FSTL4: variants seen among roughly 807,000 people sequenced by gnomAD.
FSTL4 encodes follistatin like 4, also known as follistatin-related protein 4.
In FSTL4, 28 loss-of-function variants were observed where a neutral mutation model predicts 78.2. The ratio of observed to expected loss-of-function variants is 0.36; its 90% CI spans 0.27 to 0.49. The LOEUF is 0.49. FSTL4 is among the 20% of genes least tolerant of loss of function. The pLI is 0.98. For missense variants in FSTL4, 922 were observed against 1,084.9 expected, an observed-to-expected ratio of 0.85 and a Z score of 2.11; for synonymous variants, 422 against 440.5, an observed-to-expected ratio of 0.96 and a Z score of 0.53.
intron 1 of FSTL4, among the ~76,000 whole-genome samples, chr5:133,610,000 C>CA (rs1332201245): frequency 2.4e-4 from 37 of 152,340 alleles, no homozygotes; most frequent in African/African-American, 7.0e-4. Flanking sequence ...GAGAAACACT[C>CA]AAACAAGGCA....
intron 4 of FSTL4, among the ~76,000 whole-genome samples, chr5:133,341,402 G>A (rs1328696689): frequency 1.3e-5 from 2 of 152,070 alleles, no homozygotes; most frequent in Admixed American, 1.3e-4. Context: ...CGTGAGTTGG[G>A]CTCAGCGGCT....
intron 3 of FSTL4, among the ~76,000 whole-genome samples, chr5:133,561,509 G>A (rs1169399029): frequency 6.6e-6 from 1 of 152,154 alleles, no homozygotes; most frequent in Non-Finnish European, 1.5e-5. Context: ...CTGAGACGGT[G>A]AGCAGGCAGG....
chr5:133,706,344 G>C, the FSTL4 span, among the ~76,000 whole-genome samples: 1 of 152,136 alleles, frequency 6.6e-6, no homozygotes, highest in African/African-American at 2.4e-5. Flanking sequence ...GATCAATACT[G>C]GAAAATTGAT....
At chr5:133,389,526 T>C (rs986666428) in intron 4 of FSTL4, among the ~76,000 whole-genome samples, 1 of 152,202 alleles carries the variant, frequency 6.6e-6, no homozygotes, top group Non-Finnish European at 1.5e-5. Context: ...CCCCTGCCCC[T>C]ACCCTGGTGT....
At chr5:133,806,678 C>T in the FSTL4 span, among the ~76,000 whole-genome samples, 24 of 152,306 alleles carry the variant, frequency 1.6e-4, no homozygotes, top group East Asian at 1.9e-3. Context: ...CAGAGCTGAG[C>T]GGATGGAGGA....
At chr5:133,728,337 A>C in the FSTL4 span, among the ~76,000 whole-genome samples, 2 of 152,212 alleles carry the variant, frequency 1.3e-5, no homozygotes, top group Non-Finnish European at 2.9e-5. Context: ...CAGAGCTGCC[A>C]TGTATCCCAG....
the FSTL4 span, among the ~76,000 whole-genome samples, chr5:133,705,146 T>A: frequency 6.6e-6 from 1 of 152,142 alleles, no homozygotes. Context: ...CTACAACCTC[T>A]GCCTCCCAGG....
chr5:133,481,778 A>C lies in FSTL4; in HGVS notation c.161-80792T>G, dbSNP rs73283638. 4.5e-3 allele frequency among the ~76,000 whole-genome samples: 679 copies of C among 152,300 alleles called. 4 individuals carry two copies. The highest frequency in any genetic ancestry group is 0.016 in the African/African-American group (653 of 41,554). On this transcript the variant is annotated intron_variant, in intron 3 of 15. Transcript: ENST00000265342. ...TGAAGAAGCCAACAGAGCAACCCGG[A>C]ATTGACCAATTGACCTGTCATCAAA...
intron 3 of FSTL4, among the ~76,000 whole-genome samples, chr5:133,442,271 C>T (rs529277789): frequency 6.6e-6 from 1 of 152,358 alleles, no homozygotes; most frequent in Non-Finnish European, 1.5e-5. Context: ...TATTAGGTTA[C>T]ACGAAGAGAC....
the FSTL4 span, among the ~76,000 whole-genome samples, chr5:133,671,424 T>C: frequency 6.6e-6 from 1 of 151,702 alleles, no homozygotes; most frequent in Admixed American, 6.6e-5. Context: ...CCTTATTTTG[T>C]AGGTAAAACT....
intron 3 of FSTL4, among the ~76,000 whole-genome samples, chr5:133,438,877 G>A (rs1757091694): frequency 6.6e-6 from 1 of 152,226 alleles, no homozygotes; most frequent in Non-Finnish European, 1.5e-5. Context: ...GGTTATGTGA[G>A]AAACAACTTG....
intron 11 of FSTL4, among the ~76,000 whole-genome samples, chr5:133,222,284 G>A (rs1051000572): frequency 2.0e-5 from 3 of 152,066 alleles, no homozygotes; most frequent in South Asian, 4.2e-4. Flanking sequence ...AATCAGGGGC[G>A]CTGGGCAGCC....
chr5:133,514,127 C>T (rs1032566389), intron 3 of FSTL4, among the ~76,000 whole-genome samples: 6 of 150,704 alleles, frequency 4.0e-5, no homozygotes, highest in Admixed American at 1.3e-4. Flanking sequence ...TGCAATGAGC[C>T]GAGATCGAGC....
intron 13 of FSTL4, among the ~76,000 whole-genome samples, chr5:133,215,871 T>G (rs1365263698): frequency 6.6e-6 from 1 of 152,218 alleles, no homozygotes; most frequent in Non-Finnish European, 1.5e-5. Flanking sequence ...CTTTTTCATC[T>G]TTGCAGTCAA....
At chr5:133,593,960 C>T (rs915890917) in intron 2 of FSTL4, among the ~76,000 whole-genome samples, 8 of 151,542 alleles carry the variant, frequency 5.3e-5, no homozygotes, top group Admixed American at 3.3e-4. Context: ...TCTCTTCAAC[C>T]ACTTAGCCAG....
At chr5:133,469,086 A>G (rs555374781) in intron 3 of FSTL4, among the ~76,000 whole-genome samples, 1 of 152,352 alleles carries the variant, frequency 6.6e-6, no homozygotes, top group East Asian at 1.9e-4. Context: ...ACAAATGCAC[A>G]GACATGTGAA....
chr5:133,797,978 C>T, the FSTL4 span, among the ~76,000 whole-genome samples: 3 of 152,052 alleles, frequency 2.0e-5, no homozygotes, highest in Admixed American at 1.3e-4. Flanking sequence ...CCCACCCCCA[C>T]AAACACACAC....
At chr5:133,779,028 A>C in the FSTL4 span, among the ~76,000 whole-genome samples, 6 of 152,192 alleles carry the variant, frequency 3.9e-5, no homozygotes, top group Non-Finnish European at 8.8e-5. Flanking sequence ...GGACCCATGG[A>C]GTAGGACCTC....
chr5:133,632,238 C>T, the FSTL4 span, among the ~76,000 whole-genome samples: 13 of 152,134 alleles, frequency 8.5e-5, no homozygotes, highest in Non-Finnish European at 1.3e-4. Context: ...AAGAATATTA[C>T]CTCCCTTTAC....
Sources: gnomAD v4.1 joint callset for allele counts (sites outside exome capture counted in the v4.1 genomes callset) on GRCh38, gnomAD v4.1.1 for gene constraint, MANE v1.5 for transcripts, NCBI Gene and HGNC (gene_info 2026-07-23, HGNC 2026-07-21) for gene names.